RTCB: variants seen among roughly 807,000 people sequenced by gnomAD.
RTCB encodes RNA 2',3'-cyclic phosphate and 5'-OH ligase.
In RTCB, 32 loss-of-function variants were observed where a neutral mutation model predicts 58.2. The observed-to-expected ratio is 0.55, with a 90% CI of 0.41 to 0.74. The LOEUF is 0.74. Among genes scored for constraint, RTCB ranks in the 30% least tolerant of loss-of-function variants. RTCB has a pLI of 0.00. For missense variants in RTCB, 523 were observed against 639.0 expected (o/e 0.82, Z 1.96); for synonymous variants, 247 against 218.6 (o/e 1.13, Z -1.15).
Position 32,397,938 on chromosome 22 carries a change from T to C in RTCB, c.814+3A>G. ...ACATTTTAGCACAAAGTCTAGAATA[T>C]ACCTGTGGCTACTTGGTGGCCCAAG... On this transcript the variant is annotated splice_donor_region_variant and intron_variant, in intron 7 of 11. Transcript: ENST00000216038. 1.2e-6 allele frequency: 2 copies of C among 1,610,450 alleles called. No individual in the cohort carries two copies. Among genetic ancestry groups the C allele is most frequent in the Non-Finnish European group, 1.7e-6 (2 of 1,179,110 alleles).
chr22:32,397,840 C>T, intron 7 of RTCB, 101 bp downstream of exon 7: 2 of 1,112,874 alleles, frequency 1.8e-6, no homozygotes, highest in Non-Finnish European at 2.5e-6. Flanking sequence ...TTGTTGAGGA[C>T]TCAGGATAAA....
chr22:32,394,079 C>A, intron 9 of RTCB, 77 bp from the exon 10 acceptor site: 1 of 992,714 alleles, frequency 1.0e-6, no homozygotes, highest in Non-Finnish European at 1.6e-6. Context: ...TAAATTTTCT[C>A]TTGCACTGTA....
In RTCB at chr22:32,397,958, C is replaced by T; in HGVS notation, c.797G>A (p.Gly266Asp). 6.2e-7 allele frequency: 1 copy of T among 1,612,866 alleles called. No individual in the cohort carries two copies. The highest frequency in any genetic ancestry group is 8.5e-7 in the Non-Finnish European group (1 of 1,179,718). ...VMIHSGSRGL[G>D]HQVATDALVA... Reference sequence around the variant, plus strand: ...GAATATACCTGTGGCTACTTGGTGGCCCAAGCCTCTGCTTCCACTGTGGAT... The same window carrying T: ...GAATATACCTGTGGCTACTTGGTGGTCCAAGCCTCTGCTTCCACTGTGGAT... The change falls in exon 7 of 12, where the codon GGC becomes GAC. Residue 266 changes from glycine (G) to aspartate (D), a missense_variant. Gly to Asp is a moderately conservative substitution (Grantham distance 94, BLOSUM62 -1). Around this residue, in one of 3 missense-constraint regions of RTCB, gnomAD observed 141 missense variants for 216.7 expected, o/e 0.65. Coordinates refer to ENST00000216038, the MANE Select transcript of RTCB (RefSeq NM_014306.5).
chr22:32,402,403 A>G (rs1933351431), intron 4 of RTCB, among the ~76,000 whole-genome samples: 1 of 152,140 alleles, frequency 6.6e-6, no homozygotes, highest in African/African-American at 2.4e-5. Context: ...GCATGTTTCC[A>G]TTCAAAAAGG....
intron 1 of RTCB, among the ~76,000 whole-genome samples, chr22:32,410,204 A>T (rs948283789): frequency 6.6e-6 from 1 of 152,182 alleles, no homozygotes; most frequent in Non-Finnish European, 1.5e-5. Flanking sequence ...GAAGAATCTG[A>T]TGAGGAAGTG....
chr22:32,393,859 G>T, intron 10 of RTCB, 33 bp downstream of exon 10: 1 of 1,412,870 alleles, frequency 7.1e-7, no homozygotes, highest in South Asian at 1.1e-5. Flanking sequence ...AAACTGAAGA[G>T]AGCATTTCTA....
Position 32,394,111 on chromosome 22 carries a change from C to T in RTCB, c.1180-109G>A, listed in dbSNP as rs190212282. The T allele has an allele frequency of 1.3e-3, 827 of 640,440 alleles. 4 individuals are homozygous for T. The African/African-American group carries it at 0.016, about 13-fold the overall frequency. 39.7% of individuals were successfully genotyped at this position (640,440 alleles called of 1,614,324 possible). On this transcript the variant is annotated intron_variant, in intron 9 of 11. Transcript: ENST00000216038. ...TGTAGGATTGTAGGAGAAACCCAGA[C>T]TTCTTTTTTTTTTTTTTGAGATGGG... is the stretch of plus-strand genomic sequence containing the variant.
intron 4 of RTCB, among the ~76,000 whole-genome samples, chr22:32,402,341 G>A (rs1933349896): frequency 6.6e-6 from 1 of 152,042 alleles, no homozygotes; most frequent in Admixed American, 6.6e-5. Flanking sequence ...GTGCTTTCTA[G>A]GGTCACTGAT....
rs2145897301 is a variant in RTCB at position 32,405,901 on chromosome 22, CG to C, written c.340+760del. ...AGCACCCCATAACCACAGCAGAAGG[CG>C]TATGCAACCTTCTGTATATTCAATG... On this transcript the variant is annotated intron_variant, in intron 4 of 11. Coordinates refer to ENST00000216038, the MANE Select transcript of RTCB (RefSeq NM_014306.5). 2.0e-5 allele frequency among the ~76,000 whole-genome samples: 3 copies of C among 152,200 alleles called. No homozygotes were observed. In the East Asian group the frequency reaches 5.8e-4, roughly 29 times the overall value.
At chr22:32,401,109 TA>T (rs1933328673) in intron 5 of RTCB, among the ~76,000 whole-genome samples, 1 of 151,138 alleles carries the variant, frequency 6.6e-6, no homozygotes, top group African/African-American at 2.4e-5. Context: ...TTTTTTTTTT[TA>T]ATTGAGACAG....
chr22:32,392,470 C>A, intron 10 of RTCB, 111 bp from the exon 11 acceptor site: 1 of 1,393,986 alleles, frequency 7.2e-7, no homozygotes, highest in Non-Finnish European at 1.0e-6. Flanking sequence ...TTTACTTTAT[C>A]GAATTGGTAA....
At chr22:32,404,556 G>A (rs1036154029) in intron 4 of RTCB, among the ~76,000 whole-genome samples, 1 of 152,118 alleles carries the variant, frequency 6.6e-6, no homozygotes, top group African/African-American at 2.4e-5. Context: ...ACAGATGTGC[G>A]CCACCATACC....
intron 1 of RTCB, among the ~76,000 whole-genome samples, chr22:32,410,114 C>G (rs1933495329): frequency 6.6e-6 from 1 of 152,172 alleles, no homozygotes; most frequent in Non-Finnish European, 1.5e-5. Flanking sequence ...CCGCACCCAG[C>G]CAGTACAGCC....
chr22:32,401,966 C>T (rs1242242597), intron 4 of RTCB, 63 bp from the exon 5 acceptor site: 10 of 1,507,988 alleles, frequency 6.6e-6, no homozygotes, highest in African/African-American at 5.5e-5. Context: ...CAGTTTCTCG[C>T]CATTAATATG....
chr22:32,402,878 G>A (rs1251227641), intron 4 of RTCB, among the ~76,000 whole-genome samples: 2 of 152,052 alleles, frequency 1.3e-5, no homozygotes, highest in African/African-American at 4.8e-5. Context: ...CTGAGTAGCT[G>A]GGACTACAGG....
Position 32,396,139 on chromosome 22 carries a change from C to T in RTCB, c.925G>A (p.Gly309Arg). 1 of 1,614,192 alleles carries T rather than the reference C, an allele frequency of 6.2e-7. No homozygotes were observed. The highest frequency in any genetic ancestry group is 8.5e-7 in the Non-Finnish European group (1 of 1,180,022). ...GCATAGTTCCCAGCAGCTGCCATTC[C>T]CTTCAGATAGTCTTGACCCTCTGGG... ...ASPEGQDYLK[G>R]MAAAGNYAWV... The change falls in exon 8 of 12, where the codon GGA (glycine) becomes AGA (arginine). Residue 309 changes from glycine (G) to arginine (R), a missense_variant. Physicochemically the swap from Gly to Arg is moderately radical, Grantham distance 125. This residue lies in a region of RTCB where 248 missense variants were observed against 292.5 expected (regional missense o/e 0.85). Coordinates refer to ENST00000216038, the MANE Select transcript of RTCB (RefSeq NM_014306.5).
chr22:32,396,851 G>T (rs1477766765), intron 7 of RTCB, among the ~76,000 whole-genome samples: 1 of 152,168 alleles, frequency 6.6e-6, no homozygotes, highest in African/African-American at 2.4e-5. Flanking sequence ...AATGAGGGTC[G>T]TGAACAACTC....
At chr22:32,394,172 C>T (rs143827677) in intron 9 of RTCB, among the ~76,000 whole-genome samples, 170 bp from the exon 10 acceptor site, 600 of 147,310 alleles carry the variant, frequency 4.1e-3, no homozygotes, top group African/African-American at 0.013. Context: ...AGTGCAGTGG[C>T]GGGATCTCGG....
intron 11 of RTCB, among the ~76,000 whole-genome samples, chr22:32,391,698 A>G (rs997274209): frequency 1.3e-5 from 2 of 152,190 alleles, no homozygotes; most frequent in East Asian, 1.9e-4. Context: ...GCCGACAATA[A>G]TAAGTATTCT....
Sources: allele counts gnomAD v4.1 joint callset (sites outside exome capture counted in the v4.1 genomes callset), GRCh38; gene constraint gnomAD v4.1.1; regional missense constraint gnomAD v4.1.1; transcripts MANE v1.5; gene names NCBI Gene and HGNC (gene_info 2026-07-23, HGNC 2026-07-21).